Variants in EPC2 observed in about 807,000 individuals in gnomAD.
EPC2 encodes the protein enhancer of polycomb homolog 2.
In EPC2, 14 loss-of-function variants were observed where a neutral mutation model predicts 92.1. The observed-to-expected ratio is 0.15, with a 90% CI of 0.10 to 0.24. The LOEUF (loss-of-function observed/expected upper bound fraction) is 0.24. EPC2 is among the 10% of genes least tolerant of loss of function. EPC2 has a pLI of 1.00. For synonymous variants in EPC2, 340 were observed against 334.7 expected (o/e 1.02, Z -0.17); for missense variants, 755 against 971.5 (o/e 0.78, Z 2.96).
At chr2:148,729,856 T>C (rs1183742468) in intron 2 of EPC2, among the ~76,000 whole-genome samples, 4 of 152,358 alleles carry the variant, frequency 2.6e-5, no homozygotes, top group East Asian at 1.9e-4. Context: ...GCCATTCTTA[T>C]GGCCTGTGGT....
At position 148,771,094 on chromosome 2, in the gene EPC2, T is replaced by C. The variant is rs1281611511; in HGVS notation, c.1427T>C (p.Ile476Thr). The part of the protein sequence containing the change: ...STEHDPVLKQ[I>T]DPEMLNSFSS... ...GAACATGACCCAGTCCTGAAACAGA[T>C]AGACCCTGAAATGCTGAATAGTTTT... The change falls in exon 10 of 14, where the codon ATA becomes ACA. Residue 476 changes from isoleucine to threonine, a missense_variant. Around this residue, in one of 4 missense-constraint regions of EPC2, gnomAD observed 509 missense variants for 607.7 expected, o/e 0.84. Coordinates refer to ENST00000258484, the MANE Select transcript of EPC2 (RefSeq NM_015630.4). The C allele has an allele frequency of 6.2e-7, 1 of 1,613,152 alleles. No homozygotes were observed. The highest frequency in any genetic ancestry group is 8.5e-7 in the Non-Finnish European group (1 of 1,179,398).
intron 2 of EPC2, chr2:148,691,538 G>T (rs755987898): frequency 1.3e-6 from 2 of 1,550,260 alleles, no homozygotes; most frequent in South Asian, 1.2e-5. Context: ...TTTCATCTTT[G>T]CAGTGAAATT....
At chr2:148,776,694 G>T (rs909647840) in intron 10 of EPC2, among the ~76,000 whole-genome samples, 3 of 151,984 alleles carry the variant, frequency 2.0e-5, no homozygotes, top group African/African-American at 7.3e-5. Context: ...ATTGCATATA[G>T]TCAGCATATC....
At chr2:148,700,966 C>T (rs911078747) in intron 2 of EPC2, among the ~76,000 whole-genome samples, 1 of 152,112 alleles carries the variant, frequency 6.6e-6, no homozygotes, top group Non-Finnish European at 1.5e-5. Context: ...CGATTTTCCT[C>T]ATATAGATCC....
At chr2:148,758,610 G>C (rs1683239112) in intron 4 of EPC2, among the ~76,000 whole-genome samples, 2 of 152,216 alleles carry the variant, frequency 1.3e-5, no homozygotes, top group South Asian at 4.2e-4. Context: ...TGGCCAGGCT[G>C]GTATTGAACT....
chr2:148,785,043 G>T, intron 13 of EPC2, 42 bp downstream of exon 13: 1 of 1,441,370 alleles, frequency 6.9e-7, no homozygotes, highest in Non-Finnish European at 9.1e-7. Flanking sequence ...CTTTGTGCTG[G>T]CTGTCCTGTG....
chr2:148,770,099 G>A (rs1013661563), intron 8 of EPC2, among the ~76,000 whole-genome samples: 3 of 152,148 alleles, frequency 2.0e-5, no homozygotes, highest in Admixed American at 6.5e-5. Flanking sequence ...AGGCTGGAGT[G>A]CAATGGTGCA....
intron 11 of EPC2, 33 bp from the exon 12 acceptor site, chr2:148,783,564 A>G (rs1281955574): frequency 1.3e-6 from 2 of 1,568,874 alleles, no homozygotes; most frequent in Non-Finnish European, 1.7e-6. Flanking sequence ...TCACATCTAA[A>G]AATTAGAGTG....
At chr2:148,726,758 G>GT (rs1448355101) in intron 2 of EPC2, among the ~76,000 whole-genome samples, 99 of 75,124 alleles carry the variant, frequency 1.3e-3, no homozygotes, top group Middle Eastern at 9.3e-3. Context: ...TTTTTGTTTT[G>GT]TTTTTTGTTT....
At chr2:148,675,321 C>G (rs78398934) in intron 1 of EPC2, among the ~76,000 whole-genome samples, 2,847 of 151,934 alleles carry the variant, frequency 0.019, 41 homozygotes, top group Non-Finnish European at 0.028. Context: ...TAAAATTTTT[C>G]GTATCCCTAA....
intron 1 of EPC2, among the ~76,000 whole-genome samples, chr2:148,679,497 C>T (rs941812934): frequency 2.6e-5 from 4 of 152,194 alleles, no homozygotes; most frequent in African/African-American, 9.6e-5. Context: ...TATATTTCAT[C>T]ACTTTCTGTG....
intron 1 of EPC2, among the ~76,000 whole-genome samples, chr2:148,661,947 C>G (rs1381751361): frequency 6.6e-6 from 1 of 152,042 alleles, no homozygotes; most frequent in East Asian, 1.9e-4. Flanking sequence ...TATCCAGAAT[C>G]TACAATGAAC....
rs763837339 is a variant in EPC2, at chr2:148,761,808, T to C, written c.693T>C (p.Tyr231=). ...ATCGTAAGAATGATGAAGCCTCTTA[T>C]GAAAAGATGTTGAAACTGAGACGAG... The part of the protein sequence containing the change: ...RKNRKNDEAS[Y]EKMLKLRREF... Residue 231 remains tyrosine (Y), a synonymous_variant, in exon 5 of 14, where the codon TAT becomes TAC. Transcript: ENST00000258484. 9 of 1,559,864 alleles carry C rather than the reference T, an allele frequency of 5.8e-6. No homozygotes were observed. The highest frequency in any genetic ancestry group is 2.5e-5 in the South Asian group (2 of 80,806).
At chr2:148,695,231 C>T (rs542126841) in intron 2 of EPC2, among the ~76,000 whole-genome samples, 44 of 152,326 alleles carry the variant, frequency 2.9e-4, no homozygotes, top group African/African-American at 9.9e-4. Context: ...GAACAGTAGA[C>T]GGTCCTGACT....
chr2:148,781,756 G>T lies in EPC2; in HGVS notation c.1833G>T (p.Ser611=), dbSNP rs41269815. 5.4e-3 allele frequency: 8,752 copies of T among 1,613,888 alleles called. 44 individuals are homozygous for T. Among genetic ancestry groups the T allele is most frequent in the Non-Finnish European group, 6.3e-3 (7,492 of 1,179,868 alleles). The change falls in exon 11 of 14, where the codon TCG becomes TCT. Residue 611 remains serine, a synonymous_variant. Transcript: ENST00000258484. ...AGAAACAGCAATCTCAGCATTCCTC[G>T]CAACAGACACATCCAAAAGCACAGG... The part of the protein sequence containing the change: ...LQQKQQSQHS[S]QQTHPKAQGS...
chr2:148,734,672 T>C (rs1682715236), intron 2 of EPC2, among the ~76,000 whole-genome samples: 6 of 152,138 alleles, frequency 3.9e-5, no homozygotes, highest in Admixed American at 3.9e-4. Flanking sequence ...CAAGAATCTT[T>C]GGAGATAGGT....
At chr2:148,717,077 G>T (rs780320521) in intron 2 of EPC2, among the ~76,000 whole-genome samples, 52 of 151,820 alleles carry the variant, frequency 3.4e-4, no homozygotes, top group Non-Finnish European at 6.0e-4. Flanking sequence ...GGGGTCAGTG[G>T]TGATATCCCC....
chr2:148,765,188 T>C (rs775984606), intron 7 of EPC2, 42 bp downstream of exon 7: 2 of 1,358,258 alleles, frequency 1.5e-6, no homozygotes, highest in Non-Finnish European at 2.0e-6. Flanking sequence ...CTTCTTAGTA[T>C]TTTATATTGC....
At chr2:148,759,719 A>G (rs1003421129) in intron 4 of EPC2, among the ~76,000 whole-genome samples, 17 of 151,848 alleles carry the variant, frequency 1.1e-4, no homozygotes, top group Non-Finnish European at 1.9e-4. Flanking sequence ...GTTTATATTC[A>G]TACATACATA....
Sources: allele counts gnomAD v4.1 joint callset (sites outside exome capture counted in the v4.1 genomes callset), GRCh38; gene constraint gnomAD v4.1.1; regional missense constraint gnomAD v4.1.1; transcripts MANE v1.5; gene names NCBI Gene and HGNC (gene_info 2026-07-23, HGNC 2026-07-21).